The following EPG5 variants were observed in gnomAD, a reference collection of about 807,000 sequenced individuals.
EPG5 encodes the protein ectopic P granules protein 5 homolog.
A neutral mutation model predicts 302.7 loss-of-function variants in EPG5; 159 were observed. The observed-to-expected ratio is 0.53, with a 90% CI of 0.46 to 0.60. The LOEUF (loss-of-function observed/expected upper bound fraction) is 0.60. Ranked by LOEUF, EPG5 falls within the 20% of genes least tolerant of loss-of-function variation. The pLI, the probability that EPG5 is intolerant of heterozygous loss-of-function variation, is 0.00. For missense variants in EPG5, 2,896 were observed against 3,092.4 expected (o/e 0.94, Z 1.51); for synonymous variants, 1,158 against 1,136.8 (o/e 1.02, Z -0.37).
chr18:45,804,285 AGGGTG>A, the EPG5 span, among the ~76,000 whole-genome samples: 2 of 152,298 alleles, frequency 1.3e-5, no homozygotes, highest in East Asian at 3.9e-4. Context: ...TAGTACCTAA[AGGGTG>A]GTATTGAAAG....
chr18:45,963,207 T>C (rs536435192), intron 1 of EPG5, among the ~76,000 whole-genome samples: 2 of 152,236 alleles, frequency 1.3e-5, no homozygotes, highest in Admixed American at 1.3e-4. Context: ...AGCAGAGTGC[T>C]ATTGGAGAGG....
At chr18:45,951,052 T>C (rs1047773606) in intron 4 of EPG5, 50 bp downstream of exon 4, 3 of 1,377,470 alleles carry the variant, frequency 2.2e-6, no homozygotes, top group Non-Finnish European at 1.9e-6. Context: ...AATTCCTAAA[T>C]TATGAAAGAA....
intron 1 of EPG5, among the ~76,000 whole-genome samples, chr18:45,956,049 T>C (rs1387792151): frequency 1.3e-5 from 2 of 152,098 alleles, no homozygotes; most frequent in Non-Finnish European, 2.9e-5. Flanking sequence ...TCTCAAAGTA[T>C]CTCCTCCCAA....
Position 45,907,946 on chromosome 18 carries a change from C to G in EPG5, c.4329+12G>C. ...AAAAAAAAAAAAAAAAAAAGGAGGGCTATAATTTCACCTGCTGATTCTGCA... is the reference window on the plus strand; with the variant it reads ...AAAAAAAAAAAAAAAAAAAGGAGGGGTATAATTTCACCTGCTGATTCTGCA... On this transcript the variant is annotated intron_variant, in intron 24 of 43. Transcript: ENST00000282041. 1 of 1,521,346 alleles carries G rather than the reference C, an allele frequency of 6.6e-7. No individual in the cohort carries two copies. The highest frequency in any genetic ancestry group is 8.7e-7 in the Non-Finnish European group (1 of 1,143,910). The allele number at this position is 1,521,346 out of a possible 1,614,324, so 94.2% of individuals were successfully genotyped here. A position where few individuals can be genotyped will look rare whatever the true frequency, so the allele number is the denominator to read the frequency against.
At chr18:45,857,827 AC>A in intron 42 of EPG5, 25 bp downstream of exon 42, 1 of 1,599,934 alleles carries the variant, frequency 6.3e-7, no homozygotes, top group African/African-American at 1.3e-5. Flanking sequence ...ATTTAGAACA[AC>A]AGTGTTAGAA....
rs1194989082 is a variant in EPG5 at position 45,889,807 on chromosome 18, T to G, written c.4943A>C (p.Asn1648Thr). ...NIVEAAVHAENLITALVNAYK... is the reference protein window; with the variant it reads ...NIVEAAVHAETLITALVNAYK... ...TGCCTGCAAAACTTACGTGATCAAG[T>G]TTTCTGCATGTACAGCAGCTTCCAC... The change falls in exon 28 of 44, where the codon AAC (asparagine) becomes ACC (threonine). Residue 1648 changes from asparagine (N) to threonine (T), a missense_variant. Physicochemically the swap from Asn to Thr is moderately conservative, Grantham distance 65. Coordinates refer to ENST00000282041, the MANE Select transcript of EPG5 (RefSeq NM_020964.3). The G allele has an allele frequency of 6.3e-7, 1 of 1,598,774 alleles. No individual in the cohort carries two copies. Among genetic ancestry groups the G allele is most frequent in the Admixed American group, 1.8e-5 (1 of 56,386 alleles).
chr18:45,912,259 TCA>T lies in EPG5; in HGVS notation c.3983+29_3983+30del, dbSNP rs374434915. 1.6e-4 allele frequency: 239 copies of T among 1,524,432 alleles called. No individual in the cohort carries two copies. In the African/African-American group the frequency reaches 3.2e-3, roughly 20 times the overall value. 94.4% of individuals were successfully genotyped at this position (1,524,432 alleles called of 1,614,324 possible). A position where few individuals can be genotyped will look rare whatever the true frequency, so the allele number is the denominator to read the frequency against. On this transcript the variant is annotated intron_variant, in intron 22 of 43. Transcript: ENST00000282041. ...GAGCAGTGCAAAGGCAGAAATGGAC[TCA>T]CAGAAACCTACAATACTGGGCAGCA...
intron 35 of EPG5, among the ~76,000 whole-genome samples, chr18:45,874,580 C>T (rs1001361856): frequency 6.6e-5 from 10 of 152,108 alleles, no homozygotes; most frequent in African/African-American, 2.4e-4. Flanking sequence ...GAGAGCCAAG[C>T]AATACGGGAA....
In EPG5 at chr18:45,878,283, T is replaced by C. The variant is rs1364721554; in HGVS notation, c.5942+93A>G. 5 of 819,442 alleles carry C rather than the reference T, an allele frequency of 6.1e-6. No homozygotes were observed. The East Asian group carries it at 7.5e-5, about 12-fold the overall frequency. 50.8% of individuals were successfully genotyped at this position (819,442 alleles called of 1,614,324 possible). ...TAAATATGGCCTTACACTAAAAAATTAAATCTGTGAACTCATCACTTCTAC... is the reference window on the plus strand; with the variant it reads ...TAAATATGGCCTTACACTAAAAAATCAAATCTGTGAACTCATCACTTCTAC... On this transcript the variant is annotated intron_variant, in intron 34 of 43. Coordinates refer to ENST00000282041, the MANE Select transcript of EPG5 (RefSeq NM_020964.3).
At position 45,858,041 on chromosome 18, in the gene EPG5, A is replaced by C. The variant is rs775798583; in HGVS notation, c.7254T>G (p.Phe2418Leu). The C allele has an allele frequency of 3.7e-6, 6 of 1,613,716 alleles. No individual in the cohort carries two copies. Among genetic ancestry groups the C allele is most frequent in the Non-Finnish European group, 5.1e-6 (6 of 1,179,822 alleles). The change falls in exon 42 of 44, where the codon TTT becomes TTG. Residue 2418 changes from phenylalanine (F) to leucine (L), a missense_variant. Coordinates refer to ENST00000282041, the MANE Select transcript of EPG5 (RefSeq NM_020964.3). The part of the protein sequence containing the change: ...PSSVEEEAKL[F>L]LWWHQVLQLS... ...GCTGAAGGACTTGGTGCCACCACAA[A>C]AACAGCTTTGCCTCTTCCTCCACGG... is the stretch of plus-strand genomic sequence containing the variant.
chr18:45,829,031 A>G, the EPG5 span: 2 of 932,886 alleles, frequency 2.1e-6, no homozygotes, highest in Non-Finnish European at 2.6e-6. Context: ...GAAGGGGAGG[A>G]GTGAAGGGAG....
chr18:45,860,343 A>G lies in EPG5; in HGVS notation c.6770T>C (p.Met2257Thr), dbSNP rs1441277758. Residue 2257 changes from methionine (M) to threonine (T), a missense_variant, in exon 40 of 44, where the codon ATG becomes ACG. Coordinates refer to ENST00000282041, the MANE Select transcript of EPG5 (RefSeq NM_020964.3). The part of the protein sequence containing the change: ...DDIIVFNPPD[M>T]DSQTRHMALS... ...GGCCATGTGGCGGGTCTGGCTGTCC[A>G]TGTCTGAAAGGAATATAGACACACT... The G allele has an allele frequency of 3.1e-6, 5 of 1,614,132 alleles. No homozygotes were observed. The South Asian group carries it at 5.5e-5, about 18-fold the overall frequency.
At chr18:45,829,554 G>A in the EPG5 span, among the ~76,000 whole-genome samples, 1 of 152,190 alleles carries the variant, frequency 6.6e-6, no homozygotes, top group Non-Finnish European at 1.5e-5. Flanking sequence ...CAATGGGAGT[G>A]TCTCTCCTTG....
chr18:45,877,078 C>T (rs1454015301), intron 34 of EPG5, among the ~76,000 whole-genome samples: 26 of 152,130 alleles, frequency 1.7e-4, no homozygotes, highest in Non-Finnish European at 3.8e-4. Context: ...GCCACCACGC[C>T]TGGCCCAGAG....
the EPG5 span, chr18:45,842,286 G>A: frequency 2.9e-6 from 4 of 1,376,794 alleles, no homozygotes; most frequent in Non-Finnish European, 4.1e-6. Context: ...CGGGCACCTT[G>A]GCAGCCCCCA....
At chr18:45,812,637 T>G in the EPG5 span, among the ~76,000 whole-genome samples, 1 of 152,208 alleles carries the variant, frequency 6.6e-6, no homozygotes, top group Non-Finnish European at 1.5e-5. Context: ...TGTCTGATCT[T>G]TGACAAACCT....
At chr18:45,868,578 A>G (rs1483569884) in intron 36 of EPG5, among the ~76,000 whole-genome samples, 1 of 150,740 alleles carries the variant, frequency 6.6e-6, no homozygotes, top group African/African-American at 2.4e-5. Context: ...CATGTTGGTC[A>G]GGCTGGTCTT....
rs751631563 is a variant in EPG5, at chr18:45,878,994, C to G, written c.5869+19G>C. The G allele has an allele frequency of 6.2e-7, 1 of 1,606,046 alleles. No homozygotes were observed. On this transcript the variant is annotated intron_variant, in intron 33 of 43. Coordinates refer to ENST00000282041, the MANE Select transcript of EPG5 (RefSeq NM_020964.3). ...AAAGTCCAAACACCTAGCTCCACAT[C>G]GCATGAGAAGTATATTACCTGTTTT...
chr18:45,865,625 A>G lies in EPG5; in HGVS notation c.6756T>C (p.Phe2252=). 6.2e-7 allele frequency: 1 copy of G among 1,614,094 alleles called. No homozygotes were observed. The part of the protein sequence containing the change: ...MSKLLDDIIV[F]NPPDMDSQTR... ...CGACTGGTCACTTACCGGGCGGGTT[A>G]AAGACAATGATATCGTCTAAGAGCT... is the stretch of plus-strand genomic sequence containing the variant. The change falls in exon 39 of 44, where the codon TTT becomes TTC. Residue 2252 remains phenylalanine, a synonymous_variant. Coordinates refer to ENST00000282041, the MANE Select transcript of EPG5 (RefSeq NM_020964.3).
Sources: gnomAD v4.1 joint callset for allele counts (sites outside exome capture counted in the v4.1 genomes callset) on GRCh38, gnomAD v4.1.1 for gene constraint, MANE v1.5 for transcripts, NCBI Gene and HGNC (gene_info 2026-07-23, HGNC 2026-07-21) for gene names.